LSAMP: variants seen among roughly 807,000 people sequenced by gnomAD.
LSAMP encodes the protein limbic system-associated membrane protein.
A neutral mutation model predicts 38.6 loss-of-function variants in LSAMP; 7 were observed. The ratio of observed to expected loss-of-function variants is 0.18; its 90% CI spans 0.10 to 0.34. The LOEUF (loss-of-function observed/expected upper bound fraction) is 0.34. LSAMP is among the 10% of genes least tolerant of loss of function. The pLI, the probability that LSAMP is intolerant of heterozygous loss-of-function variation, is 1.00. For missense variants in LSAMP, 313 were observed against 420.0 expected (o/e 0.75, Z 2.23); for synonymous variants, 154 against 166.8 (o/e 0.92, Z 0.59).
chr3:116,437,153 AC>A (rs2049363979), intron 1 of LSAMP, among the ~76,000 whole-genome samples: 1 of 151,906 alleles, frequency 6.6e-6, no homozygotes, highest in Admixed American at 6.6e-5. Context: ...AAATGAAGTA[AC>A]TCAGGAATGT....
At chr3:116,149,720 A>G (rs1709570265) in intron 1 of LSAMP, among the ~76,000 whole-genome samples, 1 of 151,954 alleles carries the variant, frequency 6.6e-6, no homozygotes, top group Non-Finnish European at 1.5e-5. Flanking sequence ...ATGTACTGTT[A>G]CTCCGCAAGA....
chr3:115,818,790 T>TTATATACATATATATA lies in LSAMP; in HGVS notation c.920-8377_920-8376insTATATATATGTATATA, dbSNP rs1467152356. On this transcript the variant is annotated intron_variant, in intron 6 of 6. Coordinates refer to ENST00000490035, the MANE Select transcript of LSAMP (RefSeq NM_002338.5). ...ATAAGAAAGAAGGAAAGTTGTACTT[T>TTATATACATATATATA]TATATATATATATATATATATATAT... Among the ~76,000 whole-genome samples the TTATATACATATATATA allele has an allele frequency of 5.3e-4, 37 of 69,784 alleles. 2 individuals carry two copies. Among genetic ancestry groups the TTATATACATATATATA allele is most frequent in the African/African-American group, 1.6e-3 (36 of 22,902 alleles). The allele number at this position is 69,784 out of a possible 152,430, so 45.8% of individuals were successfully genotyped here. A position where few individuals can be genotyped will look rare whatever the true frequency, so the allele number is the denominator to read the frequency against.
chr3:116,324,001 A>C (rs2047739332), intron 1 of LSAMP, among the ~76,000 whole-genome samples: 1 of 152,170 alleles, frequency 6.6e-6, no homozygotes, highest in African/African-American at 2.4e-5. Context: ...AACATAGTTC[A>C]ACCAAAAGAA....
chr3:116,056,037 CTT>C (rs1321656531), intron 2 of LSAMP, among the ~76,000 whole-genome samples: 2 of 152,024 alleles, frequency 1.3e-5, no homozygotes, highest in East Asian at 3.8e-4. Flanking sequence ...AGGCTTGCCT[CTT>C]ATAAAATAAA....
chr3:116,178,655 TAA>T (rs955609355), intron 1 of LSAMP, among the ~76,000 whole-genome samples: 2 of 152,102 alleles, frequency 1.3e-5, no homozygotes, highest in Non-Finnish European at 2.9e-5. Context: ...TGCACCTCTT[TAA>T]AAAAAGGCTA....
intron 3 of LSAMP, among the ~76,000 whole-genome samples, chr3:115,916,975 T>C (rs540940120): frequency 1.3e-5 from 2 of 152,344 alleles, no homozygotes; most frequent in East Asian, 3.9e-4. Flanking sequence ...ATGAGATCCC[T>C]AATGTGTATA....
intron 3 of LSAMP, among the ~76,000 whole-genome samples, chr3:116,012,624 A>G (rs1463680689): frequency 1.3e-5 from 2 of 152,160 alleles, no homozygotes; most frequent in African/African-American, 4.8e-5. Flanking sequence ...AATGTAATAT[A>G]AGATGTAAAA....
intron 1 of LSAMP, among the ~76,000 whole-genome samples, chr3:116,272,127 A>C (rs1411139229): frequency 6.6e-6 from 1 of 151,610 alleles, no homozygotes; most frequent in Non-Finnish European, 1.5e-5. Context: ...GTCTCACTAA[A>C]TTACAGTTCC....
chr3:116,259,737 G>A (rs932463153), intron 1 of LSAMP, among the ~76,000 whole-genome samples: 1 of 152,064 alleles, frequency 6.6e-6, no homozygotes, highest in African/African-American at 2.4e-5. Flanking sequence ...TATTGGTTGA[G>A]TGTACAAGTG....
At chr3:116,211,001 TAA>T (rs1297381889) in intron 1 of LSAMP, among the ~76,000 whole-genome samples, 2 of 145,398 alleles carry the variant, frequency 1.4e-5, no homozygotes, top group African/African-American at 5.1e-5. Flanking sequence ...TACTCAACCT[TAA>T]AAAAAAAAAA....
intron 1 of LSAMP, among the ~76,000 whole-genome samples, chr3:116,100,359 C>T (rs191462553): frequency 4.6e-5 from 7 of 152,252 alleles, no homozygotes; most frequent in South Asian, 2.1e-4. Flanking sequence ...GGATTACAAA[C>T]GTAAGCCACC....
At chr3:116,337,419 T>C (rs2047934193) in intron 1 of LSAMP, among the ~76,000 whole-genome samples, 1 of 152,070 alleles carries the variant, frequency 6.6e-6, no homozygotes, top group South Asian at 2.1e-4. Flanking sequence ...ACAGCCTCCA[T>C]TGCTCCATCT....
intron 3 of LSAMP, among the ~76,000 whole-genome samples, chr3:116,013,541 A>G (rs1307346857): frequency 2.0e-5 from 3 of 152,184 alleles, no homozygotes; most frequent in African/African-American, 7.2e-5. Context: ...CTGGGAAAGT[A>G]TATAACTTTC....
At chr3:116,392,239 G>A (rs2048711775) in intron 1 of LSAMP, among the ~76,000 whole-genome samples, 1 of 152,170 alleles carries the variant, frequency 6.6e-6, no homozygotes, top group Admixed American at 6.5e-5. Flanking sequence ...TCCAGGTGCA[G>A]CTACAGCCAC....
intron 1 of LSAMP, among the ~76,000 whole-genome samples, chr3:116,379,867 G>C (rs910029187): frequency 6.6e-6 from 1 of 151,992 alleles, no homozygotes; most frequent in Non-Finnish European, 1.5e-5. Flanking sequence ...TTGAAAGATG[G>C]AAACTTAGTC....
At chr3:116,217,256 T>C (rs1159759653) in intron 1 of LSAMP, among the ~76,000 whole-genome samples, 2 of 152,190 alleles carry the variant, frequency 1.3e-5, no homozygotes, top group African/African-American at 2.4e-5. Context: ...ACCAAGCCTG[T>C]AGAGCTCAAG....
chr3:116,259,485 T>C (rs2046797095), intron 1 of LSAMP, among the ~76,000 whole-genome samples: 1 of 152,162 alleles, frequency 6.6e-6, no homozygotes, highest in Non-Finnish European at 1.5e-5. Context: ...CACCAAGGCT[T>C]ACTTCTTATG....
intron 2 of LSAMP, among the ~76,000 whole-genome samples, chr3:116,077,213 T>G (rs1187406816): frequency 6.6e-6 from 1 of 152,006 alleles, no homozygotes; most frequent in Non-Finnish European, 1.5e-5. Context: ...TATTATCTTG[T>G]TTCATTGCAT....
intron 1 of LSAMP, among the ~76,000 whole-genome samples, chr3:116,202,905 C>A (rs2046006773): frequency 6.6e-6 from 1 of 152,138 alleles, no homozygotes; most frequent in Non-Finnish European, 1.5e-5. Flanking sequence ...GTAAGCACCA[C>A]TGAAGTTATA....
Sources: allele counts gnomAD v4.1 joint callset (sites outside exome capture counted in the v4.1 genomes callset), GRCh38; gene constraint gnomAD v4.1.1; transcripts MANE v1.5; gene names NCBI Gene and HGNC (gene_info 2026-07-23, HGNC 2026-07-21).